The following ZNF98 variants were observed in gnomAD, a reference collection of about 807,000 sequenced individuals.
ZNF98 encodes zinc finger protein 98, also known as zinc finger protein 739.
A neutral mutation model predicts 12.8 loss-of-function variants in ZNF98; 8 were observed. The observed-to-expected ratio is 0.63, with a 90% confidence interval of 0.37 to 1.13. The LOEUF (loss-of-function observed/expected upper bound fraction) is 1.13. Ranked by LOEUF, ZNF98 falls within the 50% of genes most tolerant of loss-of-function variation. The pLI is 0.01. For synonymous variants in ZNF98, 112 were observed against 223.5 expected, an observed-to-expected ratio of 0.50 and a Z score of 4.45; for missense variants, 379 against 666.1, an observed-to-expected ratio of 0.57 and a Z score of 4.74.
At chr19:22,418,465 C>T (rs1335105733) in intron 1 of ZNF98, among the ~76,000 whole-genome samples, 1 of 152,208 alleles carries the variant, frequency 6.6e-6, no homozygotes, top group African/African-American at 2.4e-5. Context: ...CCTTTGTGTT[C>T]TCCAGAAACA....
chr19:22,394,272 G>A (rs1052388443), intron 3 of ZNF98, among the ~76,000 whole-genome samples: 2 of 147,472 alleles, frequency 1.4e-5, no homozygotes, highest in Non-Finnish European at 3.0e-5. Context: ...GTGGAAGACA[G>A]TGTTGCGATT....
At chr19:22,404,184 C>T (rs1221182063) in intron 1 of ZNF98, among the ~76,000 whole-genome samples, 23 of 152,246 alleles carry the variant, frequency 1.5e-4, no homozygotes, top group Non-Finnish European at 2.9e-5. Context: ...CGCGCCACTA[C>T]ACTCCAGCCT....
intron 1 of ZNF98, among the ~76,000 whole-genome samples, chr19:22,407,636 C>A (rs538346587): frequency 6.6e-6 from 1 of 151,642 alleles, no homozygotes; most frequent in Non-Finnish European, 1.5e-5. Context: ...TGCTTGAACC[C>A]GGGAGGCGGA....
intron 1 of ZNF98, 94 bp downstream of exon 1, chr19:22,422,101 A>C: frequency 3.4e-6 from 5 of 1,492,086 alleles, no homozygotes; most frequent in South Asian, 1.1e-5. Context: ...TGTGGAGCTG[A>C]CAGCGGGGAG....
chr19:22,405,313 A>C (rs1057183197), intron 1 of ZNF98, among the ~76,000 whole-genome samples: 1 of 150,884 alleles, frequency 6.6e-6, no homozygotes, highest in African/African-American at 2.4e-5. Flanking sequence ...AAAGATGGCC[A>C]ACTAGAAGCA....
Position 22,414,232 on chromosome 19 carries a change from C to CAA in ZNF98, c.30+7961_30+7962dup, listed in dbSNP as rs57966582. ...CTGGGTGAAGAGCAAGACTCCATCT[C>CAA]AAAAAAAAAAAAAAAAAAAAAAAAG... On this transcript the variant is annotated intron_variant, in intron 1 of 3. Coordinates refer to ENST00000357774, the MANE Select transcript of ZNF98 (RefSeq NM_001098626.2). 5.9e-3 allele frequency among the ~76,000 whole-genome samples: 527 copies of CAA among 89,140 alleles called. 19 individuals are homozygous for CAA. Among genetic ancestry groups the CAA allele is most frequent in the East Asian group, 8.5e-3 (26 of 3,074 alleles). 58.5% of individuals were successfully genotyped at this position (89,140 alleles called of 152,430 possible).
At chr19:22,408,882 A>G (rs1469534309) in intron 1 of ZNF98, among the ~76,000 whole-genome samples, 1 of 152,200 alleles carries the variant, frequency 6.6e-6, no homozygotes, top group East Asian at 1.9e-4. Flanking sequence ...TATGGACTCA[A>G]TGTTATTCCC....
At chr19:22,404,088 C>T (rs1307081242) in intron 1 of ZNF98, among the ~76,000 whole-genome samples, 1 of 152,122 alleles carries the variant, frequency 6.6e-6, no homozygotes, top group Non-Finnish European at 1.5e-5. Context: ...GGCGTGGAGG[C>T]GAGAGCCTGT....
chr19:22,407,659 C>T (rs1013666773), intron 1 of ZNF98, among the ~76,000 whole-genome samples: 17 of 151,812 alleles, frequency 1.1e-4, no homozygotes, highest in African/African-American at 4.1e-4. Context: ...TTGCAGTGAG[C>T]CGAGATAATG....
At chr19:22,397,634 AAAC>A (rs1568291413) in intron 3 of ZNF98, among the ~76,000 whole-genome samples, 1 of 147,682 alleles carries the variant, frequency 6.8e-6, no homozygotes. Flanking sequence ...TATAGAAATT[AAAC>A]AACACACTCT....
intron 3 of ZNF98, among the ~76,000 whole-genome samples, chr19:22,399,646 A>G (rs1415083058): frequency 5.3e-5 from 8 of 152,204 alleles, no homozygotes; most frequent in Admixed American, 5.2e-4. Context: ...CCTCAGACAT[A>G]ACATGTCAAT....
intron 3 of ZNF98, among the ~76,000 whole-genome samples, chr19:22,398,307 G>A (rs1188623863): frequency 6.6e-6 from 1 of 152,072 alleles, no homozygotes; most frequent in Non-Finnish European, 1.5e-5. Flanking sequence ...GTTGTTTAAT[G>A]TGTATTGTAA....
intron 1 of ZNF98, among the ~76,000 whole-genome samples, chr19:22,417,873 T>C (rs1969662715): frequency 6.6e-6 from 1 of 152,140 alleles, no homozygotes; most frequent in African/African-American, 2.4e-5. Flanking sequence ...GGGGGTCTGC[T>C]GTCAGAGTTT....
chr19:22,422,065 A>G, intron 1 of ZNF98, 130 bp downstream of exon 1: 1 of 1,192,426 alleles, frequency 8.4e-7, no homozygotes, highest in Non-Finnish European at 1.2e-6. Context: ...AGGCCGAGCT[A>G]GGCAAGGAGA....
intron 1 of ZNF98, among the ~76,000 whole-genome samples, chr19:22,406,346 T>C (rs973343006): frequency 6.6e-6 from 1 of 151,840 alleles, no homozygotes; most frequent in African/African-American, 2.4e-5. Flanking sequence ...AAATAGGGCC[T>C]GAAGTGAACC....
At position 22,413,438 on chromosome 19, in the gene ZNF98, A is replaced by T. The variant is rs140341528; in HGVS notation, c.30+8757T>A. On this transcript the variant is annotated intron_variant, in intron 1 of 3. Coordinates refer to ENST00000357774, the MANE Select transcript of ZNF98 (RefSeq NM_001098626.2). ...AAAATTAGTAGCATCCCTGTAAATC[A>T]AAAACATGCACGCCAAAAGCCAAAT... Among the ~76,000 whole-genome samples the T allele has an allele frequency of 2.2e-3, 332 of 152,360 alleles. 1 individual carries two copies. Among genetic ancestry groups the T allele is most frequent in the African/African-American group, 6.8e-3 (283 of 41,578 alleles).
chr19:22,420,117 C>T (rs10409819), intron 1 of ZNF98, among the ~76,000 whole-genome samples: 59,704 of 151,896 alleles, frequency 0.39, 12,289 homozygotes, highest in Non-Finnish European at 0.46. Flanking sequence ...GAACCAAGAT[C>T]GCGCCACTGC....
chr19:22,412,114 A>T (rs1335166292), intron 1 of ZNF98, among the ~76,000 whole-genome samples: 1 of 152,236 alleles, frequency 6.6e-6, no homozygotes, highest in Non-Finnish European at 1.5e-5. Context: ...AAAAGAACAT[A>T]GTATACAGTC....
chr19:22,415,932 A>C (rs1319462483), intron 1 of ZNF98, among the ~76,000 whole-genome samples: 1 of 42,840 alleles, frequency 2.3e-5, no homozygotes, highest in South Asian at 4.6e-4. Flanking sequence ...GTTCCTACTT[A>C]AAAAAAAAAA....
Sources: gnomAD v4.1 joint callset for allele counts (sites outside exome capture counted in the v4.1 genomes callset) on GRCh38, gnomAD v4.1.1 for gene constraint, MANE v1.5 for transcripts, NCBI Gene and HGNC (gene_info 2026-07-23, HGNC 2026-07-21) for gene names.